Variants in PCDHGA12 observed in about 807,000 individuals in gnomAD.
The protein encoded by PCDHGA12 is protocadherin gamma subfamily A, 12.
In PCDHGA12, 43 loss-of-function variants were observed where a neutral mutation model predicts 61.1. That is an observed-to-expected ratio of 0.70 (90% confidence interval 0.55 to 0.91). PCDHGA12 has a LOEUF of 0.91. Among genes scored for constraint, PCDHGA12 ranks in the 40% least tolerant of loss-of-function variants. The pLI is 0.00. For synonymous variants in PCDHGA12, 520 were observed against 542.9 expected (o/e 0.96, Z 0.59); for missense variants, 1,236 against 1,227.7 (o/e 1.01, Z -0.10).
At chr5:141,475,992 C>A in intron 1 of PCDHGA12, 1 of 1,158,844 alleles carries the variant, frequency 8.6e-7, no homozygotes, top group Non-Finnish European at 1.2e-6. Context: ...GCGAGCAAAT[C>A]AACGGCATCC....
At chr5:141,456,837 C>G (rs550771859) in intron 1 of PCDHGA12, among the ~76,000 whole-genome samples, 70 of 152,194 alleles carry the variant, frequency 4.6e-4, no homozygotes, top group Non-Finnish European at 8.2e-4. Context: ...GTAGTGGGCG[C>G]CTGTAATCCC....
intron 1 of PCDHGA12, among the ~76,000 whole-genome samples, chr5:141,444,466 C>A (rs539222916): frequency 1.3e-5 from 2 of 151,982 alleles, no homozygotes; most frequent in African/African-American, 4.8e-5. Flanking sequence ...TCACTGCGCC[C>A]GGTCGCGTAC....
At chr5:141,481,560 G>A (rs1594155886) in intron 1 of PCDHGA12, among the ~76,000 whole-genome samples, 1 of 152,212 alleles carries the variant, frequency 6.6e-6, no homozygotes, top group Non-Finnish European at 1.5e-5. Flanking sequence ...GCTCACGCCT[G>A]TAATCCCAGT....
At position 141,490,954 on chromosome 5, in the gene PCDHGA12, G is replaced by A. The variant is rs749646808; in HGVS notation, c.2425-3853G>A. On this transcript the variant is annotated intron_variant, in intron 1 of 3. Coordinates refer to ENST00000252085, the MANE Select transcript of PCDHGA12 (RefSeq NM_003735.3). This position sits in a 1 kb window ranked among gnomAD's most constrained non-coding sequence, Gnocchi z 5.4. ...TGTGCTGCACCCACGGCCAGACTGGGAACACTCAGCCCCCCAGCGTCTCCC... is the reference window on the plus strand; with the variant it reads ...TGTGCTGCACCCACGGCCAGACTGGAAACACTCAGCCCCCCAGCGTCTCCC... 9 of 1,613,662 alleles carry A rather than the reference G, an allele frequency of 5.6e-6. No individual in the cohort carries two copies. The African/African-American group carries it at 8.0e-5, about 14-fold the overall frequency.
chr5:141,431,724 T>G lies in PCDHGA12; in HGVS notation c.965T>G (p.Met322Arg), dbSNP rs758754345. The change falls in exon 1 of 4, where the codon ATG becomes AGG. Residue 322 changes from methionine (M) to arginine (R), a missense_variant. By Grantham distance (91) the Met-to-Arg change is moderately conservative. Transcript: ENST00000252085. The surrounding 1 kb of genome is among the most constrained non-coding windows in gnomAD (Gnocchi z 4.8). ...SGFYQMEVQA[M>R]DNAGYSARAK... is the part of the protein sequence containing the mutation. ...TTCTACCAGATGGAAGTGCAAGCAA[T>G]GGATAATGCAGGATATTCTGCGCGA... 1 of 1,614,036 alleles carries G rather than the reference T, an allele frequency of 6.2e-7. No individual in the cohort carries two copies. Among genetic ancestry groups the G allele is most frequent in the Non-Finnish European group, 8.5e-7 (1 of 1,180,036 alleles).
chr5:141,496,338 G>A (rs1011495959), intron 2 of PCDHGA12, among the ~76,000 whole-genome samples: 5 of 152,230 alleles, frequency 3.3e-5, no homozygotes, highest in African/African-American at 9.6e-5. Flanking sequence ...TCAGGAGCCT[G>A]GAGGAGTCTC....
Position 141,431,740 on chromosome 5 carries a change from T to C in PCDHGA12, c.981T>C (p.Tyr327=). 6.2e-7 allele frequency: 1 copy of C among 1,614,230 alleles called. No individual in the cohort carries two copies. Among genetic ancestry groups the C allele is most frequent in the South Asian group, 1.1e-5 (1 of 91,088 alleles). Residue 327 remains tyrosine, a synonymous_variant, in exon 1 of 4, where the codon TAT becomes TAC. Transcript: ENST00000252085. This position sits in a 1 kb window ranked among gnomAD's most constrained non-coding sequence, Gnocchi z 4.8. ...MEVQAMDNAG[Y]SARAKVLITV... is the part of the protein sequence containing the mutation. ...TGCAAGCAATGGATAATGCAGGATA[T>C]TCTGCGCGAGCCAAAGTCCTGATCA... is the stretch of plus-strand genomic sequence containing the variant.
intron 1 of PCDHGA12, among the ~76,000 whole-genome samples, chr5:141,494,188 T>G (rs2099752632): frequency 6.6e-6 from 1 of 152,186 alleles, no homozygotes; most frequent in Non-Finnish European, 1.5e-5. Flanking sequence ...GTCCCGGGAC[T>G]TGGATGCCCC....
chr5:141,438,254 A>G (rs916664408), intron 1 of PCDHGA12, among the ~76,000 whole-genome samples: 1 of 152,170 alleles, frequency 6.6e-6, no homozygotes, highest in Non-Finnish European at 1.5e-5. Context: ...CTGTCATTGA[A>G]GAGACCATAG....
At chr5:141,474,126 A>G (rs1450071391) in intron 1 of PCDHGA12, among the ~76,000 whole-genome samples, 2 of 152,232 alleles carry the variant, frequency 1.3e-5, no homozygotes, top group African/African-American at 4.8e-5. Context: ...AAAATCTCAG[A>G]AAACTACAGG....
At chr5:141,503,099 C>T (rs1286557930) in intron 2 of PCDHGA12, among the ~76,000 whole-genome samples, 1 of 151,884 alleles carries the variant, frequency 6.6e-6, no homozygotes, top group Non-Finnish European at 1.5e-5. Context: ...GTGGTCTGCC[C>T]GCCCCTGCCT....
At chr5:141,482,338 T>C (rs2099556539) in intron 1 of PCDHGA12, among the ~76,000 whole-genome samples, 1 of 152,156 alleles carries the variant, frequency 6.6e-6, no homozygotes, top group African/African-American at 2.4e-5. Context: ...ATATCTACTT[T>C]GCAAACTTGT....
intron 1 of PCDHGA12, chr5:141,479,772 G>A (rs904607838): frequency 1.3e-5 from 2 of 152,192 alleles, no homozygotes; most frequent in Non-Finnish European, 2.9e-5. Flanking sequence ...CATATCCTTA[G>A]ACAGGTAAAG....
At chr5:141,450,675 C>T (rs377412699) in intron 1 of PCDHGA12, among the ~76,000 whole-genome samples, 3 of 151,614 alleles carry the variant, frequency 2.0e-5, no homozygotes, top group South Asian at 4.2e-4. Flanking sequence ...TTAGTAGAAA[C>T]GGGGTTTTGC....
chr5:141,466,683 A>G (rs1347308492), intron 1 of PCDHGA12, among the ~76,000 whole-genome samples: 1 of 152,170 alleles, frequency 6.6e-6, no homozygotes, highest in African/African-American at 2.4e-5. Context: ...CTTCCACTCA[A>G]GCTTCATCAT....
intron 3 of PCDHGA12, among the ~76,000 whole-genome samples, chr5:141,510,504 G>A (rs371169260): frequency 1.3e-5 from 2 of 152,154 alleles, no homozygotes; most frequent in African/African-American, 4.8e-5. Flanking sequence ...AAGGAACTGA[G>A]AGCCCGTGTC....
In PCDHGA12 at chr5:141,432,285, C is replaced by A; in HGVS notation, c.1526C>A (p.Ser509Tyr). The change falls in exon 1 of 4, where the codon TCC (serine) becomes TAC (tyrosine). Residue 509 changes from serine to tyrosine, a missense_variant. By Grantham distance (144) the Ser-to-Tyr change is moderately radical. Transcript: ENST00000252085. The surrounding 1 kb of genome is among the most constrained non-coding windows in gnomAD (Gnocchi z 6.0). ...ASLSSYVSIN[S>Y]DTGVLYALSS... ...CTATCGTCCTACGTGTCCATCAACTCCGACACTGGGGTACTGTATGCGCTG... is the reference window on the plus strand; with the variant it reads ...CTATCGTCCTACGTGTCCATCAACTACGACACTGGGGTACTGTATGCGCTG... The A allele has an allele frequency of 6.2e-7, 1 of 1,614,262 alleles. No homozygotes were observed. The highest frequency in any genetic ancestry group is 8.5e-7 in the Non-Finnish European group (1 of 1,180,052).
Position 141,490,876 on chromosome 5 carries a change from G to T in PCDHGA12, c.2425-3931G>T. On this transcript the variant is annotated intron_variant, in intron 1 of 3. Coordinates refer to ENST00000252085, the MANE Select transcript of PCDHGA12 (RefSeq NM_003735.3). The surrounding 1 kb of genome is among the most constrained non-coding windows in gnomAD (Gnocchi z 5.4). Reference sequence around the variant, plus strand: ...AGACTCCGGCTCTCCCCCATTGCATGCCAACACATCTCTGCATGTGTTTGT... The same window carrying T: ...AGACTCCGGCTCTCCCCCATTGCATTCCAACACATCTCTGCATGTGTTTGT... 6.2e-7 allele frequency: 1 copy of T among 1,613,840 alleles called. No homozygotes were observed. The highest frequency in any genetic ancestry group is 8.5e-7 in the Non-Finnish European group (1 of 1,179,894).
At chr5:141,463,650 A>C (rs1206605758) in intron 1 of PCDHGA12, among the ~76,000 whole-genome samples, 1 of 151,746 alleles carries the variant, frequency 6.6e-6, no homozygotes, top group Non-Finnish European at 1.5e-5. Flanking sequence ...ACGGGGTTTC[A>C]CCGTGTTAGC....
Sources: gnomAD v4.1 joint callset for allele counts (sites outside exome capture counted in the v4.1 genomes callset) on GRCh38, gnomAD v4.1.1 for gene constraint, Gnocchi (gnomAD v3.1) non-coding constraint, MANE v1.5 for transcripts, NCBI Gene and HGNC (gene_info 2026-07-23, HGNC 2026-07-21) for gene names.